The following CTNND2 variants were observed in gnomAD, a reference collection of about 807,000 sequenced individuals.
CTNND2 encodes the protein catenin delta 2.
CTNND2 carries 22 observed loss-of-function variants against 144.4 expected under a neutral mutation model. The observed-to-expected ratio is 0.15, with a 90% confidence interval of 0.11 to 0.22. The LOEUF (loss-of-function observed/expected upper bound fraction) is 0.22, where lower values mean the gene tolerates loss of function less well. CTNND2 is among the 10% of genes least tolerant of loss of function. The probability of loss-of-function intolerance (pLI) is 1.00; values close to 1 mark genes in which losing one functional copy is unlikely to be tolerated. For synonymous variants in CTNND2, 751 were observed against 695.6 expected, an observed-to-expected ratio of 1.08 and a Z score of -1.25; for missense variants, 1,353 against 1,618.8, an observed-to-expected ratio of 0.84 and a Z score of 2.82.
intron 9 of CTNND2, among the ~76,000 whole-genome samples, chr5:11,313,339 G>A (rs528049302): frequency 1.3e-5 from 2 of 152,244 alleles, no homozygotes; most frequent in African/African-American, 4.8e-5. Flanking sequence ...GGGTGCTCAG[G>A]GACAAGGTTT....
chr5:11,524,033 T>C (rs949111359), intron 3 of CTNND2, among the ~76,000 whole-genome samples: 4 of 152,204 alleles, frequency 2.6e-5, no homozygotes, highest in South Asian at 2.1e-4. Flanking sequence ...GCAGAAATGC[T>C]TGTTAAGGAA....
Position 11,903,821 on chromosome 5 carries a change from A to G in CTNND2, c.33T>C (p.Pro11=). The G allele has an allele frequency of 6.7e-7, 1 of 1,481,546 alleles. No homozygotes were observed. The highest frequency in any genetic ancestry group is 1.3e-5 in the South Asian group (1 of 79,042). 91.8% of individuals were successfully genotyped at this position (1,481,546 alleles called of 1,614,324 possible). Reference sequence around the variant, plus strand: ...CCGCCCAGCCCCGCAACTCACCCAAAGGCGCGGCGCCCGGCGGCTTCCTCG... The same window carrying G: ...CCGCCCAGCCCCGCAACTCACCCAAGGGCGCGGCGCCCGGCGGCTTCCTCG... MFARKPPGAA[P]LGAMPVPDQP... The change falls in exon 1 of 22, where the codon CCT becomes CCC. Residue 11 remains proline (P), a synonymous_variant. Transcript: ENST00000304623. This position sits in a 1 kb window ranked among gnomAD's most constrained non-coding sequence, Gnocchi z 5.4.
chr5:11,558,384 C>CTGTGTGTGTG (rs1561554563), intron 3 of CTNND2, among the ~76,000 whole-genome samples: 69 of 55,178 alleles, frequency 1.3e-3, no homozygotes, highest in African/African-American at 2.6e-3. Flanking sequence ...GTGTGTGTGA[C>CTGTGTGTGTG]ACACAAGGTC....
At position 11,028,610 on chromosome 5, in the gene CTNND2, T is replaced by C. The variant is rs559304896; in HGVS notation, c.2789-5631A>G. ...TTGACAACCAGGTACCTCATATAAA[T>C]GGCATCATAAAGGATTTGTCTTTTT... On this transcript the variant is annotated intron_variant, in intron 16 of 21. Transcript: ENST00000304623. Among the ~76,000 whole-genome samples the C allele has an allele frequency of 2.9e-3, 445 of 152,320 alleles. 1 individual carries two copies. The highest frequency in any genetic ancestry group is 5.4e-3 in the Non-Finnish European group (370 of 68,020).
chr5:11,659,967 A>G (rs1167786477), intron 2 of CTNND2, among the ~76,000 whole-genome samples: 1 of 152,156 alleles, frequency 6.6e-6, no homozygotes, highest in Non-Finnish European at 1.5e-5. Context: ...TTAACGGGCT[A>G]GAATATTGGA....
intron 16 of CTNND2, among the ~76,000 whole-genome samples, chr5:11,047,528 C>T (rs988015407): frequency 3.9e-5 from 6 of 152,150 alleles, no homozygotes; most frequent in Admixed American, 6.5e-5. Flanking sequence ...TGTCTACATA[C>T]ACACAGATGC....
At chr5:11,362,498 G>C (rs1756568020) in intron 8 of CTNND2, among the ~76,000 whole-genome samples, 1 of 152,164 alleles carries the variant, frequency 6.6e-6, no homozygotes. Flanking sequence ...TTATGCTTAG[G>C]AGCTGGAGAG....
chr5:11,879,182 G>A (rs1735788120), intron 1 of CTNND2, among the ~76,000 whole-genome samples: 2 of 151,854 alleles, frequency 1.3e-5, no homozygotes. Flanking sequence ...GAGGAAGGTG[G>A]AGGGATGACA....
At chr5:11,862,349 G>A (rs1302941372) in intron 1 of CTNND2, among the ~76,000 whole-genome samples, 1 of 152,118 alleles carries the variant, frequency 6.6e-6, no homozygotes, top group Admixed American at 6.6e-5. Context: ...AGTATTTTCA[G>A]GACAGCTGGT....
At chr5:11,073,471 T>G (rs1479511352) in intron 16 of CTNND2, among the ~76,000 whole-genome samples, 1 of 152,216 alleles carries the variant, frequency 6.6e-6, no homozygotes, top group Non-Finnish European at 1.5e-5. Flanking sequence ...AGTCCTGAAT[T>G]TGAATCAACT....
intron 2 of CTNND2, among the ~76,000 whole-genome samples, chr5:11,631,209 T>A (rs577066283): frequency 6.6e-6 from 1 of 152,264 alleles, no homozygotes; most frequent in South Asian, 2.1e-4. Context: ...CTTTTCACAT[T>A]TAGGTCTCCA....
chr5:11,849,561 G>T (rs1794918020), intron 1 of CTNND2, among the ~76,000 whole-genome samples: 1 of 152,146 alleles, frequency 6.6e-6, no homozygotes, highest in African/African-American at 2.4e-5. Context: ...TCAGTGATAT[G>T]CCCAGAATAA....
chr5:11,528,304 T>C (rs567956276), intron 3 of CTNND2, among the ~76,000 whole-genome samples: 1 of 152,344 alleles, frequency 6.6e-6, no homozygotes, highest in South Asian at 2.1e-4. Context: ...GACTTGAAGC[T>C]GTGCTCTTAA....
intron 18 of CTNND2, among the ~76,000 whole-genome samples, chr5:11,002,640 G>C (rs1026907877): frequency 1.3e-5 from 2 of 152,166 alleles, no homozygotes; most frequent in African/African-American, 4.8e-5. Flanking sequence ...CAACAGATGA[G>C]ATTTAGCAGA....
At chr5:11,175,369 C>A (rs1314697945) in intron 11 of CTNND2, among the ~76,000 whole-genome samples, 1 of 151,996 alleles carries the variant, frequency 6.6e-6, no homozygotes, top group African/African-American at 2.4e-5. Flanking sequence ...ATAAAATCAC[C>A]CAGAGATAAT....
intron 1 of CTNND2, among the ~76,000 whole-genome samples, chr5:11,768,752 C>A (rs114667054): frequency 0.015 from 2,221 of 152,278 alleles, 41 homozygotes; most frequent in African/African-American, 0.051. Context: ...CAAACCACTG[C>A]CACAGACGAA....
chr5:11,353,652 A>C (rs1439038926), intron 8 of CTNND2, among the ~76,000 whole-genome samples: 1 of 151,896 alleles, frequency 6.6e-6, no homozygotes. Context: ...AAAATACAAA[A>C]ATTAGTTGGG....
intron 11 of CTNND2, among the ~76,000 whole-genome samples, chr5:11,182,898 C>A (rs1287042023): frequency 6.6e-6 from 1 of 152,132 alleles, no homozygotes; most frequent in African/African-American, 2.4e-5. Flanking sequence ...GGTGAGGGAG[C>A]CCCCTGGAGG....
chr5:11,132,809 A>G (rs1342830312), intron 12 of CTNND2, among the ~76,000 whole-genome samples: 3 of 152,206 alleles, frequency 2.0e-5, no homozygotes, highest in Non-Finnish European at 4.4e-5. Flanking sequence ...ATAAGTTTAA[A>G]TTGGAAGGAA....
Sources: allele counts gnomAD v4.1 joint callset (sites outside exome capture counted in the v4.1 genomes callset), GRCh38; gene constraint gnomAD v4.1.1; non-coding constraint Gnocchi (gnomAD v3.1); transcripts MANE v1.5; gene names NCBI Gene and HGNC (gene_info 2026-07-23, HGNC 2026-07-21).